The following ZNF419 variants were observed in gnomAD, a reference collection of about 807,000 sequenced individuals.
The protein encoded by ZNF419 is zinc finger protein 419.
ZNF419 carries 8 observed loss-of-function variants against 14.9 expected under a neutral mutation model. The observed-to-expected ratio is 0.54, with a 90% confidence interval of 0.32 to 0.97. The LOEUF (loss-of-function observed/expected upper bound fraction) is 0.97. Among genes scored for constraint, ZNF419 ranks in the 50% least tolerant of loss-of-function variants. ZNF419 has a pLI of 0.04. For missense variants in ZNF419, 595 were observed against 607.2 expected (o/e 0.98, Z 0.21); for synonymous variants, 211 against 205.3 (o/e 1.03, Z -0.24).
Position 57,493,566 on chromosome 19 carries a change from C to T in ZNF419, c.1009C>T (p.His337Tyr). ...NSSLMKHQRI[H>Y]TGERPYKCSE... ...CAGCCTCATGAAACATCAGAGAATTCACACTGGAGAAAGACCTTATAAGTG... is the reference window on the plus strand; with the variant it reads ...CAGCCTCATGAAACATCAGAGAATTTACACTGGAGAAAGACCTTATAAGTG... Residue 337 changes from histidine to tyrosine, a missense_variant, in exon 5 of 5, where the codon CAC becomes TAC. Coordinates refer to ENST00000221735, the MANE Select transcript of ZNF419 (RefSeq NM_024691.4). The T allele has an allele frequency of 1.2e-6, 2 of 1,609,060 alleles. No homozygotes were observed. Among genetic ancestry groups the T allele is most frequent in the Non-Finnish European group, 1.7e-6 (2 of 1,175,820 alleles).
chr19:57,492,476 A>T (rs772935267), intron 4 of ZNF419: 10 of 766,386 alleles, frequency 1.3e-5, no homozygotes, highest in Non-Finnish European at 2.1e-5. Flanking sequence ...TTATCCTTGC[A>T]TAGTCCTTGA....
Position 57,494,201 on chromosome 19 carries a change from T to TGTTA in ZNF419, c.*111_*112insGTTA. 6.9e-7 allele frequency: 1 copy of TGTTA among 1,443,606 alleles called. No individual in the cohort carries two copies. Among genetic ancestry groups the TGTTA allele is most frequent in the Non-Finnish European group, 9.3e-7 (1 of 1,075,620 alleles). 89.4% of individuals were successfully genotyped at this position (1,443,606 alleles called of 1,614,324 possible). A position where few individuals can be genotyped will look rare whatever the true frequency, so the allele number is the denominator to read the frequency against. ...AAATCCGTTAGCCACACCTCCAGTCTCATTCAACACTGGACAGTTTACAAT... is the reference window on the plus strand; with the variant it reads ...AAATCCGTTAGCCACACCTCCAGTCTGTTACATTCAACACTGGACAGTTTACAAT... On this transcript the variant is annotated 3_prime_UTR_variant, in exon 5 of 5. Coordinates refer to ENST00000221735, the MANE Select transcript of ZNF419 (RefSeq NM_024691.4).
chr19:57,493,736 C>T lies in ZNF419; in HGVS notation c.1179C>T (p.His393=). The change falls in exon 5 of 5, where the codon CAC becomes CAT. Residue 393 remains histidine (H), a synonymous_variant. Coordinates refer to ENST00000221735, the MANE Select transcript of ZNF419 (RefSeq NM_024691.4). ...GCCTCATGCAACATCAAAAAGTTCA[C>T]ACTGGAGAAAAGCCTTTTAAGTGCA... ...CSSLMQHQKV[H]TGEKPFKCNE... The T allele has an allele frequency of 1.2e-6, 2 of 1,614,172 alleles. No individual in the cohort carries two copies. The highest frequency in any genetic ancestry group is 1.7e-6 in the Non-Finnish European group (2 of 1,180,004).
At chr19:57,492,408 A>C (rs1196102163) in intron 4 of ZNF419, 197 bp downstream of exon 4, 1 of 791,052 alleles carries the variant, frequency 1.3e-6, no homozygotes, top group Non-Finnish European at 2.3e-6. Context: ...TGTTTCACCC[A>C]GTCATCAGCA....
intron 1 of ZNF419, chr19:57,488,756 T>G (rs904237154): frequency 6.6e-6 from 1 of 151,982 alleles, no homozygotes; most frequent in African/African-American, 2.4e-5. Context: ...TATGGGCTGG[T>G]TGGGTAGAGG....
intron 3 of ZNF419, chr19:57,491,892 G>GT (rs2089493884): frequency 1.5e-6 from 1 of 656,064 alleles, no homozygotes; most frequent in Non-Finnish European, 2.7e-6. Flanking sequence ...ATCTGTGGTA[G>GT]TTCTATTCCC....
In ZNF419 at chr19:57,493,234, C is replaced by T. The variant is rs760737972; in HGVS notation, c.677C>T (p.Ala226Val). 9.3e-6 allele frequency: 15 copies of T among 1,614,076 alleles called. No individual in the cohort carries two copies. Among genetic ancestry groups the T allele is most frequent in the African/African-American group, 5.3e-5 (4 of 74,930 alleles). Residue 226 changes from alanine (A) to valine (V), a missense_variant, in exon 5 of 5, where the codon GCT becomes GTT. By Grantham distance (64) the Ala-to-Val change is moderately conservative. Coordinates refer to ENST00000221735, the MANE Select transcript of ZNF419 (RefSeq NM_024691.4). ...CTTGTTCAGCACCAGAGACTACATG[C>T]TGGGAAAAAGACGTATGAATGCAGT... ...YLLVQHQRLH[A>V]GKKTYECSEC...
At chr19:57,492,333 T>C (rs541293701) in intron 4 of ZNF419, 122 bp downstream of exon 4, 74 of 1,120,366 alleles carry the variant, frequency 6.6e-5, no homozygotes, top group African/African-American at 5.2e-4. Flanking sequence ...TTTTCTTCCT[T>C]AGTCACCCAT....
At position 57,492,907 on chromosome 19, in the gene ZNF419, T is replaced by C. The variant is rs551460245; in HGVS notation, c.350T>C (p.Val117Ala). The C allele has an allele frequency of 4.6e-5, 74 of 1,614,158 alleles. 2 individuals carry two copies. The South Asian group carries it at 7.5e-4, about 16-fold the overall frequency. ...GAGGCTCCTGAGCAGATTGCTTCTG[T>C]AGGACTGCTCAGTTCAAACATTCAG... is the stretch of plus-strand genomic sequence containing the variant. Reference protein sequence around the residue: ...AEEAPEQIASVGLLSSNIQQH... With the variant: ...AEEAPEQIASAGLLSSNIQQH... The change falls in exon 5 of 5, where the codon GTA becomes GCA. Residue 117 changes from valine to alanine, a missense_variant. Physicochemically the swap from Val to Ala is moderately conservative, Grantham distance 64. Coordinates refer to ENST00000221735, the MANE Select transcript of ZNF419 (RefSeq NM_024691.4).
At chr19:57,492,534 CCTT>C in intron 4 of ZNF419, 2 of 756,998 alleles carry the variant, frequency 2.6e-6, no homozygotes, top group Admixed American at 1.7e-5. Context: ...CTGGACATAA[CCTT>C]CTGTGCCGTG....
At chr19:57,491,671 G>T (rs745366490) in intron 3 of ZNF419, 74 bp downstream of exon 3, 24 of 1,611,814 alleles carry the variant, frequency 1.5e-5, no homozygotes, top group Non-Finnish European at 2.0e-5. Flanking sequence ...GGAGAGGTCT[G>T]TTCTTCCCAA....
intron 1 of ZNF419, 29 bp downstream of exon 1, chr19:57,488,012 C>T (rs1301510469): frequency 3.7e-6 from 6 of 1,613,234 alleles, no homozygotes; most frequent in Non-Finnish European, 5.1e-6. Context: ...TGGCCTCCCC[C>T]GAATCCTAAA....
chr19:57,487,769 C>G lies in ZNF419; in HGVS notation c.-182C>G, dbSNP rs2089386596. The G allele has an allele frequency of 2.5e-6, 2 of 786,396 alleles. No homozygotes were observed. The highest frequency in any genetic ancestry group is 1.7e-5 in the African/African-American group (1 of 57,252). 48.7% of individuals were successfully genotyped at this position (786,396 alleles called of 1,614,324 possible). On this transcript the variant is annotated 5_prime_UTR_variant, in exon 1 of 5. Coordinates refer to ENST00000221735, the MANE Select transcript of ZNF419 (RefSeq NM_024691.4). ...TCGTTTGGTATTCACTTTCGCGACT[C>G]AGGTGAACTAACCTGCGAGAAGCTG...
Position 57,493,189 on chromosome 19 carries a change from C to T in ZNF419, c.632C>T (p.Ala211Val), listed in dbSNP as rs780871290. Residue 211 changes from alanine to valine, a missense_variant, in exon 5 of 5, where the codon GCC becomes GTC. Transcript: ENST00000221735. ...RHYKCSECGKAFGQKYLLVQH... is the reference protein window; with the variant it reads ...RHYKCSECGKVFGQKYLLVQH... Reference sequence around the variant, plus strand: ...TACAAATGCAGTGAATGTGGGAAAGCCTTTGGTCAGAAATATTTACTTGTT... The same window carrying T: ...TACAAATGCAGTGAATGTGGGAAAGTCTTTGGTCAGAAATATTTACTTGTT... 1 of 1,614,134 alleles carries T rather than the reference C, an allele frequency of 6.2e-7. No homozygotes were observed. Among genetic ancestry groups the T allele is most frequent in the Non-Finnish European group, 8.5e-7 (1 of 1,180,006 alleles).
At chr19:57,488,639 A>G (rs1203992604) in intron 1 of ZNF419, 2 of 152,318 alleles carry the variant, frequency 1.3e-5, no homozygotes, top group East Asian at 3.9e-4. Flanking sequence ...GGTTTTGGAC[A>G]TGGTAATCCT....
chr19:57,492,065 A>G (rs1225962379), intron 3 of ZNF419, 48 bp from the exon 4 acceptor site: 1 of 1,450,746 alleles, frequency 6.9e-7, no homozygotes, highest in African/African-American at 1.4e-5. Flanking sequence ...CCATGATGAG[A>G]TAAGTCATTC....
In ZNF419 at chr19:57,493,891, A is replaced by G. The variant is rs1333113772; in HGVS notation, c.1334A>G (p.His445Arg). ...AGCCAAAGCTCAACCCTCATGCAAC[A>G]TCGAAAAGTTCACATTGGAGAAAAG... ...FFSQSSTLMQ[H>R]RKVHIGEKPF... The change falls in exon 5 of 5, where the codon CAT becomes CGT. Residue 445 changes from histidine (H) to arginine (R), a missense_variant. Physicochemically the swap from His to Arg is conservative, Grantham distance 29. Coordinates refer to ENST00000221735, the MANE Select transcript of ZNF419 (RefSeq NM_024691.4). 2 of 1,614,062 alleles carry G rather than the reference A, an allele frequency of 1.2e-6. No individual in the cohort carries two copies. The highest frequency in any genetic ancestry group is 8.5e-7 in the Non-Finnish European group (1 of 1,179,984).
chr19:57,491,888 G>A (rs2123204178), intron 3 of ZNF419: 1 of 657,706 alleles, frequency 1.5e-6, no homozygotes, highest in East Asian at 2.7e-5. Context: ...GCAGATCTGT[G>A]GTAGTTCTAT....
rs769045441 is a variant in ZNF419, at chr19:57,493,272, T to C, written c.715T>C (p.Leu239=). Residue 239 remains leucine, a synonymous_variant, in exon 5 of 5, where the codon TTA becomes CTA. Coordinates refer to ENST00000221735, the MANE Select transcript of ZNF419 (RefSeq NM_024691.4). Reference sequence around the variant, plus strand: ...GTATGAATGCAGTGAATGTGGGAAGTTATTTAGAGATATGTCCAACCTTTT... The same window carrying C: ...GTATGAATGCAGTGAATGTGGGAAGCTATTTAGAGATATGTCCAACCTTTT... ...KTYECSECGK[L]FRDMSNLFIH... The C allele has an allele frequency of 6.2e-7, 1 of 1,614,236 alleles. No individual in the cohort carries two copies. Among genetic ancestry groups the C allele is most frequent in the Non-Finnish European group, 8.5e-7 (1 of 1,180,038 alleles).
Sources: gnomAD v4.1 joint callset for allele counts on GRCh38, gnomAD v4.1.1 for gene constraint, MANE v1.5 for transcripts, NCBI Gene and HGNC (gene_info 2026-07-23, HGNC 2026-07-21) for gene names.